The following ITFG1 variants were observed in gnomAD, a reference collection of about 807,000 sequenced individuals.
ITFG1 encodes the protein integrin alpha FG-GAP repeat containing 1.
Under a neutral mutation model 81.8 loss-of-function variants are expected in ITFG1, and 34 were observed. The ratio of observed to expected loss-of-function variants is 0.42; its 90% CI spans 0.32 to 0.55. ITFG1 has a LOEUF of 0.55. Ranked by LOEUF, ITFG1 falls within the 20% of genes least tolerant of loss-of-function variation. The pLI is 0.17. For missense variants in ITFG1, 672 were observed against 755.4 expected, an observed-to-expected ratio of 0.89 and a Z score of 1.29; for synonymous variants, 285 against 270.6, an observed-to-expected ratio of 1.05 and a Z score of -0.52.
intron 12 of ITFG1, among the ~76,000 whole-genome samples, chr16:47,251,195 C>T (rs188330968): frequency 3.3e-5 from 5 of 152,310 alleles, no homozygotes; most frequent in East Asian, 1.9e-4. Context: ...TCGACACCCT[C>T]GGTTGAGGCC....
chr16:47,277,839 A>C (rs1966414074), intron 10 of ITFG1, among the ~76,000 whole-genome samples: 2 of 152,206 alleles, frequency 1.3e-5, no homozygotes. Flanking sequence ...TTCTGTAAGG[A>C]GATGGCTGTG....
chr16:47,400,704 A>G (rs1748596205), intron 6 of ITFG1, among the ~76,000 whole-genome samples: 1 of 120,582 alleles, frequency 8.3e-6, no homozygotes. Context: ...CAGCGAAAGG[A>G]GGTAGGGGAA....
At chr16:47,395,767 C>G (rs1052728009) in intron 6 of ITFG1, among the ~76,000 whole-genome samples, 1 of 152,170 alleles carries the variant, frequency 6.6e-6, no homozygotes, top group Non-Finnish European at 1.5e-5. Flanking sequence ...TTCTAGAGTT[C>G]TCTTAATAAT....
intron 10 of ITFG1, among the ~76,000 whole-genome samples, chr16:47,307,700 A>G (rs1161608179): frequency 6.6e-6 from 1 of 152,204 alleles, no homozygotes; most frequent in East Asian, 1.9e-4. Context: ...ACATGGGTAT[A>G]CTGCATGGTA....
chr16:47,285,065 A>G (rs1286758951), intron 10 of ITFG1, among the ~76,000 whole-genome samples: 1 of 152,142 alleles, frequency 6.6e-6, no homozygotes, highest in Non-Finnish European at 1.5e-5. Context: ...CAAAACTCCC[A>G]TAGCCCTCGT....
At chr16:47,236,945 G>A (rs1455739247) in intron 13 of ITFG1, among the ~76,000 whole-genome samples, 1 of 152,132 alleles carries the variant, frequency 6.6e-6, no homozygotes, top group Non-Finnish European at 1.5e-5. Flanking sequence ...TCATATAAAC[G>A]TTAACACTTT....
upstream of ITFG1, chr16:47,461,220 G>A: frequency 1.0e-6 from 1 of 980,868 alleles, no homozygotes; most frequent in Non-Finnish European, 1.5e-6. Context: ...AAGCAGTGGA[G>A]CTAGGGTGAA....
chr16:47,192,348 T>G (rs965148249), intron 14 of ITFG1, among the ~76,000 whole-genome samples: 1 of 152,248 alleles, frequency 6.6e-6, no homozygotes, highest in African/African-American at 2.4e-5. Flanking sequence ...GAAAACATCA[T>G]CTAATGCTTA....
At chr16:47,271,674 T>C (rs974705789) in intron 10 of ITFG1, among the ~76,000 whole-genome samples, 11 of 152,120 alleles carry the variant, frequency 7.2e-5, no homozygotes, top group South Asian at 2.1e-4. Context: ...CTGGCTAACA[T>C]GGTGAAACCC....
chr16:47,405,079 C>T (rs1016935430), intron 6 of ITFG1, among the ~76,000 whole-genome samples: 23 of 151,904 alleles, frequency 1.5e-4, no homozygotes, highest in Non-Finnish European at 2.9e-4. Context: ...GCTTTCCTTT[C>T]ATTATATTGT....
At chr16:47,458,542 T>C (rs939070028) in intron 2 of ITFG1, among the ~76,000 whole-genome samples, 2 of 152,196 alleles carry the variant, frequency 1.3e-5, no homozygotes, top group African/African-American at 4.8e-5. Flanking sequence ...GTCACTATCA[T>C]GGAGGTAGAG....
At chr16:47,186,829 T>C (rs531060427) in intron 14 of ITFG1, among the ~76,000 whole-genome samples, 113 of 152,340 alleles carry the variant, frequency 7.4e-4, no homozygotes, top group African/African-American at 2.4e-3. Flanking sequence ...TTGTCCCTGT[T>C]TGCAGACGAC....
intron 14 of ITFG1, among the ~76,000 whole-genome samples, chr16:47,217,776 T>G (rs1401154934): frequency 6.6e-6 from 1 of 152,012 alleles, no homozygotes; most frequent in Admixed American, 6.6e-5. Context: ...ATATAAAAAA[T>G]TAGCCGGGTG....
chr16:47,311,387 C>T lies in ITFG1; in HGVS notation c.923G>A (p.Ser308Asn), dbSNP rs1296735085. ...KQWVPVLQDFSNKGTLWGFVP... is the reference protein window; with the variant it reads ...KQWVPVLQDFNNKGTLWGFVP... ...AAAGCCCCAGAGTGTGCCCTTATTG[C>T]TGAAATCTTGTAGGACTGGAACCCA... Residue 308 changes from serine to asparagine, a missense_variant, in exon 10 of 18, where the codon AGC becomes AAC. Physicochemically the swap from Ser to Asn is conservative, Grantham distance 46 (BLOSUM62 1). This residue lies in a region of ITFG1 where 560 missense variants were observed against 625.7 expected (regional missense o/e 0.90). Coordinates refer to ENST00000320640, the MANE Select transcript of ITFG1 (RefSeq NM_030790.5). 1.2e-6 allele frequency: 2 copies of T among 1,612,842 alleles called. No homozygotes were observed. The highest frequency in any genetic ancestry group is 1.1e-5 in the South Asian group (1 of 90,892).
At chr16:47,355,906 G>A (rs1968033643) in intron 8 of ITFG1, among the ~76,000 whole-genome samples, 1 of 152,092 alleles carries the variant, frequency 6.6e-6, no homozygotes, top group Non-Finnish European at 1.5e-5. Context: ...AAAACCACAG[G>A]GAGCAGATGG....
chr16:47,249,286 G>T (rs1200500747), intron 12 of ITFG1, among the ~76,000 whole-genome samples: 1 of 152,040 alleles, frequency 6.6e-6, no homozygotes, highest in Non-Finnish European at 1.5e-5. Context: ...GAGTGTGGGG[G>T]TGTATTCCTG....
chr16:47,234,179 A>G (rs1014629831), intron 13 of ITFG1, among the ~76,000 whole-genome samples: 3 of 152,236 alleles, frequency 2.0e-5, no homozygotes, highest in African/African-American at 4.8e-5. Context: ...AGACTTATAT[A>G]TAGCAGGCAT....
chr16:47,199,003 A>G (rs991383378), intron 14 of ITFG1, among the ~76,000 whole-genome samples: 1 of 152,148 alleles, frequency 6.6e-6, no homozygotes, highest in Non-Finnish European at 1.5e-5. Flanking sequence ...GCTGGACACA[A>G]TGGCTCACAC....
chr16:47,346,167 C>T (rs1464115877), intron 8 of ITFG1, among the ~76,000 whole-genome samples: 1 of 152,108 alleles, frequency 6.6e-6, no homozygotes, highest in Non-Finnish European at 1.5e-5. Context: ...GGAAGAATTC[C>T]CTCCTCCATA....
Sources: allele counts gnomAD v4.1 joint callset (sites outside exome capture counted in the v4.1 genomes callset), GRCh38; gene constraint gnomAD v4.1.1; regional missense constraint gnomAD v4.1.1; transcripts MANE v1.5; gene names NCBI Gene and HGNC (gene_info 2026-07-23, HGNC 2026-07-21).